The following RTL4 variants were observed in gnomAD, a reference collection of about 807,000 sequenced individuals.
RTL4 encodes the protein retrotransposon Gag-like protein 4.
Under a neutral mutation model 5.3 loss-of-function variants are expected in RTL4, and 4 were observed. The ratio of observed to expected loss-of-function variants is 0.75; its 90% CI spans 0.37 to 1.72. The LOEUF (loss-of-function observed/expected upper bound fraction) is 1.72. Among genes scored for constraint, RTL4 ranks in the 40% most tolerant of loss-of-function variants. The pLI is 0.04. For synonymous variants in RTL4, 98 were observed against 87.3 expected (o/e 1.12, Z -0.68); for missense variants, 260 against 227.1 (o/e 1.14, Z -0.93).
the RTL4 span, among the ~76,000 whole-genome samples, chrX:112,234,477 C>T: frequency 9.0e-6 from 1 of 111,131 alleles, no homozygotes; most frequent in Non-Finnish European, 1.9e-5. Flanking sequence ...TGCAGTGGCA[C>T]CATCATTAAC....
the RTL4 span, among the ~76,000 whole-genome samples, chrX:112,278,539 A>G: frequency 1.8e-5 from 2 of 111,867 alleles, no homozygotes; most frequent in East Asian, 5.6e-4. Flanking sequence ...AGGAGGCTTT[A>G]TTAGTTATTA....
At chrX:112,314,260 G>C in the RTL4 span, among the ~76,000 whole-genome samples, 1 of 111,169 alleles carries the variant, frequency 9.0e-6, no homozygotes, top group Admixed American at 9.7e-5. Flanking sequence ...TAAAAATTTA[G>C]GAAATAAGAT....
chrX:112,451,767 C>A (rs1926739732), upstream of RTL4, among the ~76,000 whole-genome samples: 1 of 111,327 alleles, frequency 9.0e-6, no homozygotes, highest in Admixed American at 9.5e-5. Context: ...ACAATGTGGG[C>A]TCTTTGTGTG....
At chrX:112,340,308 A>G in the RTL4 span, among the ~76,000 whole-genome samples, 1 of 111,186 alleles carries the variant, frequency 9.0e-6, no homozygotes, top group Non-Finnish European at 1.9e-5. Context: ...TGCATATACC[A>G]AAGAGATTAC....
chrX:112,116,328 G>C, the RTL4 span, among the ~76,000 whole-genome samples: 1 of 111,560 alleles, frequency 9.0e-6, no homozygotes, highest in East Asian at 2.9e-4. Flanking sequence ...CAAGAGTGAA[G>C]CTGTGGACCT....
the RTL4 span, among the ~76,000 whole-genome samples, chrX:112,119,726 A>C: frequency 3.6e-5 from 4 of 111,751 alleles, no homozygotes; most frequent in Non-Finnish European, 7.5e-5. Flanking sequence ...AGACCTAGAG[A>C]GGGTTTTGCA....
the RTL4 span, among the ~76,000 whole-genome samples, chrX:112,296,241 G>A: frequency 9.0e-6 from 1 of 111,326 alleles, no homozygotes. Context: ...CACCAACCCT[G>A]TTATTCTCTG....
the RTL4 span, among the ~76,000 whole-genome samples, chrX:112,254,090 A>C: frequency 3.6e-5 from 4 of 111,356 alleles, no homozygotes; most frequent in South Asian, 1.5e-3. Context: ...TTCTCTTTAA[A>C]ATCCTACTCA....
the RTL4 span, among the ~76,000 whole-genome samples, chrX:112,218,242 G>T: frequency 8.9e-6 from 1 of 111,964 alleles, no homozygotes; most frequent in African/African-American, 3.3e-5. Context: ...ACAAGCTCTG[G>T]CTCTGTGTCA....
the RTL4 span, among the ~76,000 whole-genome samples, chrX:112,311,457 G>C: frequency 0.034 from 3,781 of 110,471 alleles, 121 homozygotes; most frequent in African/African-American, 0.093. Flanking sequence ...AAGGATGAGA[G>C]CACTGGACAA....
At chrX:112,352,228 G>A in the RTL4 span, among the ~76,000 whole-genome samples, 1 of 111,379 alleles carries the variant, frequency 9.0e-6, no homozygotes, top group Non-Finnish European at 1.9e-5. Flanking sequence ...AGTTTCTGCT[G>A]AGAGATCTGC....
At chrX:112,184,301 T>C in the RTL4 span, among the ~76,000 whole-genome samples, 2 of 110,400 alleles carry the variant, frequency 1.8e-5, no homozygotes, top group Non-Finnish European at 1.9e-5. Flanking sequence ...TGTATACATA[T>C]GCAACAAACC....
At chrX:112,182,799 C>G in the RTL4 span, among the ~76,000 whole-genome samples, 3 of 111,753 alleles carry the variant, frequency 2.7e-5, no homozygotes, top group African/African-American at 9.8e-5. Flanking sequence ...TATTCAAATT[C>G]AGGAAATAGA....
At chrX:112,146,295 A>T in the RTL4 span, among the ~76,000 whole-genome samples, 1 of 110,845 alleles carries the variant, frequency 9.0e-6, no homozygotes, top group Non-Finnish European at 1.9e-5. Context: ...ACTTGGGGGA[A>T]GTTGGGAGCA....
chrX:112,378,367 C>G, the RTL4 span, among the ~76,000 whole-genome samples: 1 of 111,763 alleles, frequency 8.9e-6, no homozygotes, highest in Admixed American at 9.5e-5. Context: ...GTCATTCACT[C>G]TGTCTAGAAG....
chrX:112,183,037 C>T, the RTL4 span, among the ~76,000 whole-genome samples: 33 of 112,172 alleles, frequency 2.9e-4, 1 homozygote, highest in East Asian at 7.8e-3. Context: ...GAATTTTCAA[C>T]GCAGAATTTC....
chrX:112,330,486 A>C, the RTL4 span, among the ~76,000 whole-genome samples: 3 of 110,888 alleles, frequency 2.7e-5, no homozygotes, highest in Admixed American at 9.7e-5. Context: ...ACTACAAATC[A>C]CTGCTCAAGG....
At chrX:112,339,374 C>A in the RTL4 span, among the ~76,000 whole-genome samples, 1 of 111,746 alleles carries the variant, frequency 8.9e-6, no homozygotes, top group African/African-American at 3.3e-5. Flanking sequence ...TGAACTGGGA[C>A]AGATGATCTA....
the RTL4 span, among the ~76,000 whole-genome samples, chrX:112,393,032 G>A: frequency 6.3e-5 from 7 of 111,053 alleles, no homozygotes; most frequent in African/African-American, 2.0e-4. Context: ...TGACAGGGGT[G>A]GCTGGAGACA....
Sources: allele counts gnomAD v4.1 joint callset (sites outside exome capture counted in the v4.1 genomes callset), GRCh38; gene constraint gnomAD v4.1.1; transcripts MANE v1.5; gene names NCBI Gene and HGNC (gene_info 2026-07-23, HGNC 2026-07-21).